Variants in NRXN3 observed in about 807,000 individuals in gnomAD.
NRXN3 encodes neurexin 3, also known as neurexin III.
In NRXN3, 32 loss-of-function variants were observed where a neutral mutation model predicts 137.6. That is an observed-to-expected ratio of 0.23 (90% CI 0.18 to 0.31). NRXN3 has a LOEUF of 0.31. NRXN3 is among the 10% of genes least tolerant of loss of function. NRXN3 has a pLI of 1.00. For missense variants in NRXN3, 1,574 were observed against 2,062.5 expected, an observed-to-expected ratio of 0.76 and a Z score of 4.59; for synonymous variants, 798 against 784.5, an observed-to-expected ratio of 1.02 and a Z score of -0.29.
chr14:79,588,245 G>A (rs866953561), intron 16 of NRXN3, among the ~76,000 whole-genome samples: 3 of 152,134 alleles, frequency 2.0e-5, no homozygotes, highest in African/African-American at 7.2e-5. Flanking sequence ...ATAACCTGTG[G>A]TCTATCTGAC....
At chr14:78,497,648 G>A (rs2095809651) in intron 4 of NRXN3, among the ~76,000 whole-genome samples, 1 of 151,820 alleles carries the variant, frequency 6.6e-6, no homozygotes, top group African/African-American at 2.4e-5. Flanking sequence ...CCACCCATCT[G>A]TCTTTCCATC....
At chr14:79,081,751 A>G (rs772932032) in intron 15 of NRXN3, among the ~76,000 whole-genome samples, 21 of 152,212 alleles carry the variant, frequency 1.4e-4, no homozygotes, top group Non-Finnish European at 2.6e-4. Flanking sequence ...ATGGCAGACA[A>G]AAAATTAGAA....
At chr14:79,512,826 A>G (rs1288869107) in intron 16 of NRXN3, among the ~76,000 whole-genome samples, 2 of 152,162 alleles carry the variant, frequency 1.3e-5, no homozygotes, top group Non-Finnish European at 2.9e-5. Flanking sequence ...GCTCCCACAA[A>G]TCAGCAATTG....
chr14:78,566,264 C>A (rs902731142), intron 4 of NRXN3, among the ~76,000 whole-genome samples: 2 of 152,070 alleles, frequency 1.3e-5, no homozygotes, highest in Non-Finnish European at 1.5e-5. Context: ...GACTTCAGGT[C>A]CAGGGAGGCT....
chr14:78,430,640 T>C (rs113063784), intron 4 of NRXN3, among the ~76,000 whole-genome samples: 1 of 152,176 alleles, frequency 6.6e-6, no homozygotes, highest in South Asian at 2.1e-4. Context: ...TAGCGAGTGG[T>C]CCTCCAGCTC....
intron 1 of NRXN3, among the ~76,000 whole-genome samples, chr14:78,227,166 A>C (rs1050060453): frequency 6.6e-6 from 1 of 151,598 alleles, no homozygotes; most frequent in Non-Finnish European, 1.5e-5. Context: ...GTATTTTGCC[A>C]CCTTATCTAA....
At chr14:78,365,364 G>T (rs1179042188) in intron 4 of NRXN3, among the ~76,000 whole-genome samples, 2 of 152,082 alleles carry the variant, frequency 1.3e-5, no homozygotes, top group Admixed American at 6.6e-5. Flanking sequence ...ACCCAGTACA[G>T]GTCAGCTGAG....
At chr14:78,830,600 C>T (rs554500591) in intron 10 of NRXN3, among the ~76,000 whole-genome samples, 1 of 151,256 alleles carries the variant, frequency 6.6e-6, no homozygotes, top group South Asian at 2.1e-4. Flanking sequence ...TCATTTTTTT[C>T]TTGGTGTTTC....
chr14:79,641,743 C>A (rs1332221128), intron 16 of NRXN3, among the ~76,000 whole-genome samples: 1 of 135,710 alleles, frequency 7.4e-6, no homozygotes, highest in Non-Finnish European at 1.7e-5. Context: ...GCAATTCCTT[C>A]CTCAGCGGTA....
At chr14:79,577,272 C>A (rs139738902) in intron 16 of NRXN3, among the ~76,000 whole-genome samples, 153 of 152,244 alleles carry the variant, frequency 1.0e-3, no homozygotes, top group African/African-American at 3.6e-3. Context: ...TGAGAACAGA[C>A]AAATACACTG....
intron 19 of NRXN3, among the ~76,000 whole-genome samples, chr14:79,722,962 A>G (rs538749889): frequency 3.0e-4 from 45 of 152,206 alleles, no homozygotes; most frequent in African/African-American, 1.0e-3. Context: ...TAAGAAATGC[A>G]CTTCGTTGTC....
At chr14:78,643,147 T>C (rs1003674912) in intron 4 of NRXN3, among the ~76,000 whole-genome samples, 3 of 152,224 alleles carry the variant, frequency 2.0e-5, no homozygotes, top group Admixed American at 1.3e-4. Context: ...TCTTTTCACA[T>C]TATAAAATAT....
intron 16 of NRXN3, among the ~76,000 whole-genome samples, chr14:79,508,390 A>ATTTCTGATTTTTTTTTTTTTTTTT (rs1555494789): frequency 6.2e-5 from 3 of 48,240 alleles, no homozygotes; most frequent in African/African-American, 2.2e-4. Context: ...ACAATAACTG[A>ATTTCTGATTTTTTTTTTTTTTTTT]TTTTTTTTTT....
rs183610965 is a variant in NRXN3, at chr14:78,387,502, G to A, written c.757+89642G>A. On this transcript the variant is annotated intron_variant, in intron 4 of 20. Transcript: ENST00000335750. ...ACCTGCCCTACATCCTGAAGGGGCT[G>A]TTTCTAGAGTCACAAATCATAATTG... 2.9e-4 allele frequency among the ~76,000 whole-genome samples: 44 copies of A among 152,316 alleles called. No individual in the cohort carries two copies. In the East Asian group the frequency reaches 8.5e-3, roughly 29 times the overall value.
chr14:79,487,292 G>C (rs1457578652), intron 16 of NRXN3, among the ~76,000 whole-genome samples: 1 of 151,962 alleles, frequency 6.6e-6, no homozygotes, highest in Non-Finnish European at 1.5e-5. Context: ...TTAAAGCACA[G>C]TCCTTCATAT....
In NRXN3 at chr14:79,753,355, T is replaced by C. The variant is rs1603463619; in HGVS notation, c.4015-51757T>C. Among the ~76,000 whole-genome samples, 6 of 151,616 alleles carry C rather than the reference T, an allele frequency of 4.0e-5. No homozygotes were observed. In the South Asian group the frequency reaches 1.0e-3, roughly 26 times the overall value. On this transcript the variant is annotated intron_variant, in intron 19 of 20. Transcript: ENST00000335750. ...ACAATGATAGACAGGATTAAGAAAA[T>C]GTGGCACATATATACCATGGAATAC...
chr14:79,813,679 A>C (rs2099242719), intron 20 of NRXN3, among the ~76,000 whole-genome samples: 1 of 152,196 alleles, frequency 6.6e-6, no homozygotes, highest in Admixed American at 6.5e-5. Flanking sequence ...TGTGTACAAA[A>C]GAATGAATAC....
chr14:79,558,168 C>A (rs2097450264), intron 16 of NRXN3, among the ~76,000 whole-genome samples: 3 of 152,104 alleles, frequency 2.0e-5, no homozygotes, highest in Non-Finnish European at 2.9e-5. Context: ...CCACTGAAGC[C>A]TTGAACCCCT....
Position 78,243,089 on chromosome 14 carries a change from C to T in NRXN3, c.-5C>T, listed in dbSNP as rs557372080. The T allele has an allele frequency of 1.5e-5, 22 of 1,507,344 alleles. No individual in the cohort carries two copies. Among genetic ancestry groups the T allele is most frequent in the East Asian group, 4.9e-5 (2 of 40,806 alleles). 93.4% of individuals were successfully genotyped at this position (1,507,344 alleles called of 1,614,324 possible). ...GCTCCTCCGGGCTCTGTCCCAGCAGCGACAATGAGCTCCACACTCCACTCG... is the reference window on the plus strand; with the variant it reads ...GCTCCTCCGGGCTCTGTCCCAGCAGTGACAATGAGCTCCACACTCCACTCG... On this transcript the variant is annotated 5_prime_UTR_variant, in exon 2 of 21. Transcript: ENST00000335750. The surrounding 1 kb of genome is among the most constrained non-coding windows in gnomAD (Gnocchi z 4.2).
Sources: gnomAD v4.1 joint callset for allele counts (sites outside exome capture counted in the v4.1 genomes callset) on GRCh38, gnomAD v4.1.1 for gene constraint, Gnocchi (gnomAD v3.1) non-coding constraint, MANE v1.5 for transcripts, NCBI Gene and HGNC (gene_info 2026-07-23, HGNC 2026-07-21) for gene names.